The following GNAL variants were observed in gnomAD, a reference collection of about 807,000 sequenced individuals.
The protein encoded by GNAL is guanine nucleotide-binding protein G(olf) subunit alpha.
In GNAL, 18 loss-of-function variants were observed where a neutral mutation model predicts 55.1. The observed-to-expected ratio is 0.33, with a 90% CI of 0.23 to 0.48. GNAL has a LOEUF of 0.48. Among genes scored for constraint, GNAL ranks in the 20% least tolerant of loss-of-function variants. The pLI is 0.99. For missense variants in GNAL, 412 were observed against 614.1 expected, an observed-to-expected ratio of 0.67 and a Z score of 3.48; for synonymous variants, 253 against 237.0, an observed-to-expected ratio of 1.07 and a Z score of -0.62.
At position 11,849,807 on chromosome 18, in the gene GNAL, A is replaced by G. The variant is rs180936256; in HGVS notation, c.723-12588A>G. Among the ~76,000 whole-genome samples the G allele has an allele frequency of 2.1e-3, 324 of 152,332 alleles. 2 individuals carry two copies. The highest frequency in any genetic ancestry group is 7.6e-3 in the African/African-American group (314 of 41,584). ...AAGCTGCTAACTAGGGTAACATCCT[A>G]TCCCCTCTGAAATACAATTAAATTC... is the stretch of plus-strand genomic sequence containing the variant. On this transcript the variant is annotated intron_variant, in intron 5 of 11. Coordinates refer to ENST00000334049, the MANE Select transcript of GNAL (RefSeq NM_182978.4).
intron 7 of GNAL, among the ~76,000 whole-genome samples, chr18:11,865,986 C>T (rs10468682): frequency 0.061 from 9,072 of 149,256 alleles, 713 homozygotes; most frequent in African/African-American, 0.099. Context: ...CTGCAGTGCC[C>T]AGCGCCCTCC....
intron 5 of GNAL, chr18:11,853,264 GAGGT>G (rs1382049355): frequency 1.2e-5 from 2 of 167,140 alleles, no homozygotes; most frequent in Admixed American, 1.3e-4. Context: ...GAGAAGTAAA[GAGGT>G]AGGACTGGAA....
At chr18:11,700,163 T>A (rs1052791962) in intron 1 of GNAL, among the ~76,000 whole-genome samples, 39 of 152,184 alleles carry the variant, frequency 2.6e-4, no homozygotes, top group African/African-American at 8.2e-4. Flanking sequence ...GTTCTTCTAA[T>A]GAGCCCGTTT....
At chr18:11,862,338 A>G (rs2036166031) in intron 5 of GNAL, 57 bp from the exon 6 acceptor site, 21 of 1,399,782 alleles carry the variant, frequency 1.5e-5, no homozygotes, top group South Asian at 3.5e-5. Flanking sequence ...TTTCTCCCCA[A>G]CCCCAGGGGA....
intron 1 of GNAL, among the ~76,000 whole-genome samples, chr18:11,694,205 A>C (rs1375645088): frequency 6.6e-6 from 1 of 152,100 alleles, no homozygotes; most frequent in Admixed American, 6.6e-5. Context: ...GTCTCCCATC[A>C]TGATGAGTCC....
chr18:11,725,531 T>C (rs2032193097), intron 1 of GNAL, among the ~76,000 whole-genome samples: 1 of 152,228 alleles, frequency 6.6e-6, no homozygotes, highest in African/African-American at 2.4e-5. Flanking sequence ...TTTTCCAGAA[T>C]GTTGTATTGT....
At chr18:11,861,323 C>T (rs1330666437) in intron 5 of GNAL, among the ~76,000 whole-genome samples, 1 of 152,140 alleles carries the variant, frequency 6.6e-6, no homozygotes, top group Non-Finnish European at 1.5e-5. Flanking sequence ...CCCCTGCTTG[C>T]CATTTAACCC....
chr18:11,782,753 C>G (rs2033954996), intron 4 of GNAL, among the ~76,000 whole-genome samples: 1 of 152,146 alleles, frequency 6.6e-6, no homozygotes, highest in Admixed American at 6.5e-5. Context: ...GATCTATTCA[C>G]CTGTGGTCCA....
At chr18:11,736,794 A>G (rs1305197075) in intron 1 of GNAL, among the ~76,000 whole-genome samples, 1 of 152,238 alleles carries the variant, frequency 6.6e-6, no homozygotes, top group Non-Finnish European at 1.5e-5. Context: ...TGGTTCTGTT[A>G]GCAGACTTTG....
At chr18:11,696,304 C>T (rs926297726) in intron 1 of GNAL, among the ~76,000 whole-genome samples, 3 of 151,876 alleles carry the variant, frequency 2.0e-5, no homozygotes, top group Non-Finnish European at 4.4e-5. Flanking sequence ...AGCTCGAGAC[C>T]ATCCTGGCTA....
intron 4 of GNAL, among the ~76,000 whole-genome samples, chr18:11,756,183 C>A (rs1200018014): frequency 6.6e-6 from 1 of 152,076 alleles, no homozygotes; most frequent in Non-Finnish European, 1.5e-5. Flanking sequence ...TTGGTAACTC[C>A]CACCTATATT....
chr18:11,850,330 T>G (rs1178209352), intron 5 of GNAL, among the ~76,000 whole-genome samples: 1 of 152,206 alleles, frequency 6.6e-6, no homozygotes, highest in African/African-American at 2.4e-5. Flanking sequence ...TGAAACTGAC[T>G]GGCAAGCTAT....
At chr18:11,839,552 C>CAA (rs3078934) in intron 5 of GNAL, among the ~76,000 whole-genome samples, 5 of 81,674 alleles carry the variant, frequency 6.1e-5, no homozygotes, top group Non-Finnish European at 9.0e-5. Context: ...GACCTTGCCT[C>CAA]AAAAAAAAAA....
At chr18:11,790,793 A>G (rs1479300649) in intron 4 of GNAL, among the ~76,000 whole-genome samples, 1 of 151,472 alleles carries the variant, frequency 6.6e-6, no homozygotes, top group African/African-American at 2.4e-5. Context: ...AGTAGCTGGA[A>G]CTACAGGTGC....
chr18:11,827,110 C>T (rs2035266545), intron 5 of GNAL, among the ~76,000 whole-genome samples: 1 of 152,150 alleles, frequency 6.6e-6, no homozygotes, highest in South Asian at 2.1e-4. Flanking sequence ...TAACCTCCTT[C>T]TTACCTTGTC....
chr18:11,796,315 C>T (rs974620982), intron 4 of GNAL, among the ~76,000 whole-genome samples: 26 of 152,094 alleles, frequency 1.7e-4, no homozygotes, highest in African/African-American at 4.8e-5. Flanking sequence ...CAGTGGCTCA[C>T]GCCTGTAATC....
At chr18:11,865,133 C>A (rs2036232371) in intron 7 of GNAL, among the ~76,000 whole-genome samples, 1 of 139,808 alleles carries the variant, frequency 7.2e-6, no homozygotes, top group Non-Finnish European at 1.5e-5. Context: ...TGGCTTGTCT[C>A]CTGTCCCCTG....
rs1049538519 is a variant in GNAL, at chr18:11,725,295, T to C, written c.377-27558T>C. Among the ~76,000 whole-genome samples the C allele has an allele frequency of 2.6e-5, 4 of 152,056 alleles. No individual in the cohort carries two copies. In the East Asian group the frequency reaches 7.7e-4, roughly 29 times the overall value. Reference sequence around the variant, plus strand: ...TGTTGTCCTTATAAGAAGAGGAGATTAGGACACAGACAGGCACGGAGGTAA... The same window carrying C: ...TGTTGTCCTTATAAGAAGAGGAGATCAGGACACAGACAGGCACGGAGGTAA... On this transcript the variant is annotated intron_variant, in intron 1 of 11. Transcript: ENST00000334049.
intron 5 of GNAL, among the ~76,000 whole-genome samples, chr18:11,850,848 A>G (rs1446010053): frequency 6.6e-6 from 1 of 152,228 alleles, no homozygotes; most frequent in African/African-American, 2.4e-5. Context: ...CAATGCAATA[A>G]AAGGATATTA....
Sources: gnomAD v4.1 joint callset for allele counts (sites outside exome capture counted in the v4.1 genomes callset) on GRCh38, gnomAD v4.1.1 for gene constraint, MANE v1.5 for transcripts, NCBI Gene and HGNC (gene_info 2026-07-23, HGNC 2026-07-21) for gene names.